The following NBAS variants were observed in gnomAD, a reference collection of about 807,000 sequenced individuals.
NBAS encodes the protein NBAS subunit of NRZ tethering complex.
NBAS carries 219 observed loss-of-function variants against 302.5 expected under a neutral mutation model. The ratio of observed to expected loss-of-function variants is 0.72; its 90% CI spans 0.65 to 0.81. NBAS has a LOEUF of 0.81. Among genes scored for constraint, NBAS ranks in the 30% least tolerant of loss-of-function variants. The pLI, the probability that NBAS is intolerant of heterozygous loss-of-function variation, is 0.00. For missense variants in NBAS, 2,932 were observed against 2,841.6 expected, an observed-to-expected ratio of 1.03 and a Z score of -0.72; for synonymous variants, 1,118 against 1,021.6, an observed-to-expected ratio of 1.09 and a Z score of -1.80.
At chr2:15,143,822 A>G in the NBAS span, among the ~76,000 whole-genome samples, 1 of 151,930 alleles carries the variant, frequency 6.6e-6, no homozygotes, top group African/African-American at 2.4e-5. Flanking sequence ...CAGCATGGCT[A>G]GAATATATGC....
the NBAS span, among the ~76,000 whole-genome samples, chr2:14,878,905 A>G: frequency 6.6e-6 from 1 of 151,878 alleles, no homozygotes; most frequent in Non-Finnish European, 1.5e-5. Context: ...CGACCATTAT[A>G]GCATCATACA....
intron 28 of NBAS, among the ~76,000 whole-genome samples, chr2:15,388,498 A>G (rs1451592350): frequency 6.6e-6 from 1 of 152,200 alleles, no homozygotes; most frequent in Non-Finnish European, 1.5e-5. Context: ...TATTTGTGAC[A>G]TAGAGGAGTG....
At position 15,275,531 on chromosome 2, in the gene NBAS, T is replaced by C. The variant is rs1314233045; in HGVS notation, c.5677A>G (p.Ile1893Val). ...YFDRLHPGDL[I>V]TVVDAVTFSP... ...AATGTAACTGCATCTACCACAGTGA[T>C]GAGGTCACCTGGGTGGAGACGATCA... Residue 1893 changes from isoleucine (I) to valine (V), a missense_variant, in exon 44 of 52, where the codon ATC (isoleucine) becomes GTC (valine). Transcript: ENST00000281513. 6.2e-6 allele frequency: 10 copies of C among 1,613,890 alleles called. No homozygotes were observed. The highest frequency in any genetic ancestry group is 4.0e-5 in the African/African-American group (3 of 74,940).
chr2:15,231,070 C>T (rs796078336), intron 47 of NBAS, among the ~76,000 whole-genome samples: 3 of 152,200 alleles, frequency 2.0e-5, no homozygotes, highest in Non-Finnish European at 4.4e-5. Flanking sequence ...CAGGCCAGAT[C>T]GTCTCCCGCG....
chr2:14,869,555 A>C, the NBAS span, among the ~76,000 whole-genome samples: 7 of 152,206 alleles, frequency 4.6e-5, no homozygotes, highest in South Asian at 1.5e-3. Flanking sequence ...CTAATTCTGC[A>C]TGTGGTTTTA....
the NBAS span, among the ~76,000 whole-genome samples, chr2:14,827,650 A>G: frequency 1.3e-5 from 2 of 152,246 alleles, no homozygotes; most frequent in East Asian, 3.8e-4. Flanking sequence ...ATATGAGACA[A>G]CATAGATGAA....
Position 15,356,317 on chromosome 2 carries a change from T to G in NBAS, c.3917A>C (p.Glu1306Ala), listed in dbSNP as rs1286644783. The change falls in exon 33 of 52, where the codon GAG becomes GCG. Residue 1306 changes from glutamate (E) to alanine (A), a missense_variant. By Grantham distance (107) the Glu-to-Ala change is moderately radical. Coordinates refer to ENST00000281513, the MANE Select transcript of NBAS (RefSeq NM_015909.4). ...TGTCTACTCACCTGTGGCCATCAGCTCCTGACAATGCATACTGGCTGCTTT... is the reference window on the plus strand; with the variant it reads ...TGTCTACTCACCTGTGGCCATCAGCGCCTGACAATGCATACTGGCTGCTTT... ...DYKAASMHCQ[E>A]LMATGYPKSW... 3 of 1,613,552 alleles carry G rather than the reference T, an allele frequency of 1.9e-6. No homozygotes were observed. Among genetic ancestry groups the G allele is most frequent in the Non-Finnish European group, 2.5e-6 (3 of 1,179,680 alleles).
At chr2:15,434,845 G>C (rs1448535790) in intron 21 of NBAS, among the ~76,000 whole-genome samples, 1 of 152,140 alleles carries the variant, frequency 6.6e-6, no homozygotes, top group African/African-American at 2.4e-5. Context: ...TTATACAGGG[G>C]AGACCCAAAA....
intron 48 of NBAS, among the ~76,000 whole-genome samples, chr2:15,203,114 T>G (rs1412890786): frequency 6.6e-6 from 1 of 152,218 alleles, no homozygotes; most frequent in Admixed American, 6.5e-5. Flanking sequence ...TAGTATAGCA[T>G]AACATATAAC....
chr2:15,239,508 G>C (rs1033429837), intron 44 of NBAS, among the ~76,000 whole-genome samples: 9 of 150,922 alleles, frequency 6.0e-5, no homozygotes, highest in Non-Finnish European at 1.2e-4. Context: ...TGCTAATTTA[G>C]CATCCCTAAT....
At chr2:15,490,405 T>C (rs1347915417) in intron 11 of NBAS, among the ~76,000 whole-genome samples, 1 of 152,174 alleles carries the variant, frequency 6.6e-6, no homozygotes, top group Non-Finnish European at 1.5e-5. Flanking sequence ...AAATGTAAGA[T>C]TGAAATACAA....
the NBAS span, among the ~76,000 whole-genome samples, chr2:14,916,007 C>CT: frequency 6.6e-6 from 1 of 152,146 alleles, no homozygotes; most frequent in African/African-American, 2.4e-5. Flanking sequence ...CAATAAAACT[C>CT]TTTCTTTTGT....
At chr2:15,377,433 T>C (rs1674797768) in intron 30 of NBAS, among the ~76,000 whole-genome samples, 1 of 152,204 alleles carries the variant, frequency 6.6e-6, no homozygotes, top group South Asian at 2.1e-4. Context: ...CAATTCCACT[T>C]TGCATTATCC....
the NBAS span, among the ~76,000 whole-genome samples, chr2:15,115,186 G>A: frequency 6.6e-6 from 1 of 152,168 alleles, no homozygotes; most frequent in African/African-American, 2.4e-5. Flanking sequence ...ATGAATAAAT[G>A]AGTAAATACT....
At chr2:15,320,618 A>G (rs1032238221) in intron 38 of NBAS, among the ~76,000 whole-genome samples, 2 of 152,182 alleles carry the variant, frequency 1.3e-5, no homozygotes, top group African/African-American at 4.8e-5. Context: ...ACAAACAGAG[A>G]GCCAAATCAT....
the NBAS span, among the ~76,000 whole-genome samples, chr2:15,003,387 CAA>C: frequency 6.6e-6 from 1 of 152,158 alleles, no homozygotes; most frequent in Non-Finnish European, 1.5e-5. Flanking sequence ...GAGTGCTTAT[CAA>C]GTGCCAGGTG....
the NBAS span, among the ~76,000 whole-genome samples, chr2:15,110,985 A>G: frequency 6.6e-6 from 1 of 152,162 alleles, no homozygotes; most frequent in African/African-American, 2.4e-5. Flanking sequence ...ACTTTGGGGG[A>G]GATACATCTA....
At chr2:15,194,979 C>A (rs191494933) in intron 48 of NBAS, among the ~76,000 whole-genome samples, 1 of 151,964 alleles carries the variant, frequency 6.6e-6, no homozygotes. Flanking sequence ...ATAAAACAAA[C>A]CCTAAAACTA....
the NBAS span, among the ~76,000 whole-genome samples, chr2:15,142,060 A>C: frequency 6.6e-6 from 1 of 152,176 alleles, no homozygotes; most frequent in East Asian, 1.9e-4. Context: ...ACCTCCAATC[A>C]CTGAATATGG....
Sources: gnomAD v4.1 joint callset for allele counts (sites outside exome capture counted in the v4.1 genomes callset) on GRCh38, gnomAD v4.1.1 for gene constraint, MANE v1.5 for transcripts, NCBI Gene and HGNC (gene_info 2026-07-23, HGNC 2026-07-21) for gene names.